PTPRD: variants seen among roughly 807,000 people sequenced by gnomAD.
PTPRD encodes protein tyrosine phosphatase receptor type D, also known as receptor-type tyrosine-protein phosphatase delta.
PTPRD carries 34 observed loss-of-function variants against 214.5 expected under a neutral mutation model. That is an observed-to-expected ratio of 0.16 (90% CI 0.12 to 0.21). PTPRD has a LOEUF of 0.21. Ranked by LOEUF, PTPRD falls within the 10% of genes least tolerant of loss-of-function variation. PTPRD has a pLI of 1.00. For synonymous variants in PTPRD, 1,128 were observed against 845.7 expected, an observed-to-expected ratio of 1.33 and a Z score of -5.79; for missense variants, 2,545 against 2,398.7, an observed-to-expected ratio of 1.06 and a Z score of -1.27.
intron 3 of PTPRD, among the ~76,000 whole-genome samples, chr9:10,129,154 A>G (rs61275278): frequency 1.3e-5 from 2 of 152,292 alleles, no homozygotes; most frequent in African/African-American, 4.8e-5. Context: ...TTGTTTGTGT[A>G]TGAATTTAAA....
intron 11 of PTPRD, among the ~76,000 whole-genome samples, chr9:8,970,397 A>T (rs1233960682): frequency 6.6e-6 from 1 of 151,890 alleles, no homozygotes; most frequent in African/African-American, 2.4e-5. Context: ...CTTGGTCTTG[A>T]CTTGTGAAAA....
intron 2 of PTPRD, among the ~76,000 whole-genome samples, chr9:10,575,730 T>G (rs183372963): frequency 4.3e-4 from 65 of 152,134 alleles, no homozygotes; most frequent in Non-Finnish European, 7.1e-4. Context: ...CATTGCTTGA[T>G]GTATTTTCTT....
intron 8 of PTPRD, among the ~76,000 whole-genome samples, chr9:9,567,462 G>C (rs2084936390): frequency 6.6e-6 from 1 of 151,966 alleles, no homozygotes; most frequent in South Asian, 2.1e-4. Flanking sequence ...TTTGAGAAGA[G>C]ATGTGGATGT....
At chr9:10,390,163 T>A (rs1471431438) in intron 2 of PTPRD, among the ~76,000 whole-genome samples, 1 of 151,932 alleles carries the variant, frequency 6.6e-6, no homozygotes, top group East Asian at 2.0e-4. Flanking sequence ...TTCATATAAA[T>A]CATTTCATAT....
intron 6 of PTPRD, among the ~76,000 whole-genome samples, chr9:9,749,283 T>G (rs1012068499): frequency 6.6e-6 from 1 of 152,176 alleles, no homozygotes; most frequent in African/African-American, 2.4e-5. Context: ...CTGCACCAAT[T>G]ATCAGGTTGG....
At chr9:8,839,721 A>G (rs1247755988) in intron 11 of PTPRD, among the ~76,000 whole-genome samples, 1 of 152,230 alleles carries the variant, frequency 6.6e-6, no homozygotes, top group Non-Finnish European at 1.5e-5. Flanking sequence ...AAATATAGAA[A>G]AAGCTACCTC....
intron 4 of PTPRD, among the ~76,000 whole-genome samples, chr9:9,956,523 A>T (rs1348157176): frequency 6.6e-6 from 1 of 152,194 alleles, no homozygotes; most frequent in Non-Finnish European, 1.5e-5. Flanking sequence ...AACCCATAAT[A>T]TTAAAAATAT....
chr9:9,215,190 G>A lies in PTPRD; in HGVS notation c.-202-31827C>T, dbSNP rs185823516. Among the ~76,000 whole-genome samples the A allele has an allele frequency of 6.6e-5, 10 of 152,246 alleles. No individual in the cohort carries two copies. In the East Asian group the frequency reaches 1.9e-3, roughly 30 times the overall value. On this transcript the variant is annotated intron_variant, in intron 9 of 45. Transcript: ENST00000381196. The stretch of plus-strand genomic sequence containing the variant: ...CTTCCTTTAGAAGTCATCTGCTGGT[G>A]GGAAATGTTTAAAGCCTGCTTTCAT...
chr9:8,846,962 T>C (rs1231405113), intron 11 of PTPRD, among the ~76,000 whole-genome samples: 1 of 151,924 alleles, frequency 6.6e-6, no homozygotes. Flanking sequence ...TACGGTGAGG[T>C]CAAAACCAAA....
intron 2 of PTPRD, among the ~76,000 whole-genome samples, chr9:10,511,789 C>A (rs903630669): frequency 6.7e-6 from 1 of 149,132 alleles, no homozygotes; most frequent in Non-Finnish European, 1.5e-5. Flanking sequence ...TATCCCTTTA[C>A]CACATGTCCT....
At chr9:9,332,993 G>C (rs1299538561) in intron 9 of PTPRD, among the ~76,000 whole-genome samples, 1 of 151,942 alleles carries the variant, frequency 6.6e-6, no homozygotes, top group South Asian at 2.1e-4. Context: ...AGATATTTTT[G>C]TATCCAAAAA....
At chr9:9,730,137 ACT>A (rs1347063325) in intron 7 of PTPRD, among the ~76,000 whole-genome samples, 7 of 152,216 alleles carry the variant, frequency 4.6e-5, no homozygotes, top group East Asian at 3.9e-4. Context: ...CACTTTTTAA[ACT>A]CTCTAGATGG....
intron 7 of PTPRD, among the ~76,000 whole-genome samples, chr9:9,661,138 T>G (rs371977009): frequency 6.6e-6 from 1 of 151,976 alleles, no homozygotes; most frequent in Admixed American, 6.6e-5. Flanking sequence ...ATATGAAACC[T>G]GTGCCATATA....
chr9:8,726,246 C>T (rs73429611), intron 12 of PTPRD, among the ~76,000 whole-genome samples: 8,491 of 151,780 alleles, frequency 0.056, 770 homozygotes, highest in African/African-American at 0.19. Flanking sequence ...AACACATCTA[C>T]GTAGGCAGGA....
intron 3 of PTPRD, among the ~76,000 whole-genome samples, chr9:10,279,794 CTAAGTG>C (rs1233469875): frequency 3.3e-5 from 5 of 151,870 alleles, no homozygotes; most frequent in Non-Finnish European, 5.9e-5. Flanking sequence ...GGCGTAGTCA[CTAAGTG>C]TGGGTAATCT....
chr9:9,917,788 A>T (rs1056617385), intron 5 of PTPRD, among the ~76,000 whole-genome samples: 1 of 152,100 alleles, frequency 6.6e-6, no homozygotes, highest in Non-Finnish European at 1.5e-5. Flanking sequence ...ATGGATTAAC[A>T]TGCAAATCAA....
At chr9:8,439,777 AT>A (rs1193474882) in intron 34 of PTPRD, among the ~76,000 whole-genome samples, 1 of 152,054 alleles carries the variant, frequency 6.6e-6, no homozygotes, top group Non-Finnish European at 1.5e-5. Context: ...AATATGTTAG[AT>A]TTTGAATGAA....
chr9:8,591,219 T>C (rs910215003), intron 14 of PTPRD, among the ~76,000 whole-genome samples: 1 of 152,206 alleles, frequency 6.6e-6, no homozygotes, highest in Admixed American at 6.5e-5. Flanking sequence ...TCTGCAACCT[T>C]AATTTCCCTT....
At chr9:10,482,146 A>C (rs7046987) in intron 2 of PTPRD, among the ~76,000 whole-genome samples, 3,285 of 152,004 alleles carry the variant, frequency 0.022, 65 homozygotes, top group African/African-American at 0.045. Context: ...CCCAGGCGGG[A>C]GAATCACGAG....
Sources: allele counts gnomAD v4.1 joint callset (sites outside exome capture counted in the v4.1 genomes callset), GRCh38; gene constraint gnomAD v4.1.1; transcripts MANE v1.5; gene names NCBI Gene and HGNC (gene_info 2026-07-23, HGNC 2026-07-21).